Variants in ICAM1 observed in about 807,000 individuals in gnomAD.
The protein encoded by ICAM1 is ICAM-1.
In ICAM1, 28 loss-of-function variants were observed where a neutral mutation model predicts 42.3. The ratio of observed to expected loss-of-function variants is 0.66; its 90% confidence interval spans 0.49 to 0.91. The LOEUF (loss-of-function observed/expected upper bound fraction) is 0.91. Ranked by LOEUF, ICAM1 falls within the 40% of genes least tolerant of loss-of-function variation. The pLI is 0.00. For missense variants in ICAM1, 637 were observed against 688.6 expected (o/e 0.93, Z 0.84); for synonymous variants, 304 against 305.9 (o/e 0.99, Z 0.07).
intron 1 of ICAM1, among the ~76,000 whole-genome samples, chr19:10,272,158 G>C (rs959216768): frequency 6.6e-6 from 1 of 152,118 alleles, no homozygotes; most frequent in African/African-American, 2.4e-5. Flanking sequence ...GGTGGTGGGC[G>C]CCTGTGATCC....
rs547713798 is a variant in ICAM1, at chr19:10,275,079, C to T, written c.331+51C>T. On this transcript the variant is annotated intron_variant, in intron 2 of 6. Transcript: ENST00000264832. The stretch of plus-strand genomic sequence containing the variant: ...GACTAGGCAGACCCGGTGGGAGAGA[C>T]GTGCAGGGGCACCTGCAGAGGCCTG... 44 of 1,578,556 alleles carry T rather than the reference C, an allele frequency of 2.8e-5. No individual in the cohort carries two copies. The South Asian group carries it at 3.4e-4, about 12-fold the overall frequency.
chr19:10,279,181 C>T (rs1004683905), intron 2 of ICAM1, among the ~76,000 whole-genome samples: 2 of 152,018 alleles, frequency 1.3e-5, no homozygotes, highest in African/African-American at 4.8e-5. Flanking sequence ...GCATTCTGGG[C>T]AGGAGGAACA....
At chr19:10,272,959 C>T (rs982417759) in intron 1 of ICAM1, among the ~76,000 whole-genome samples, 1 of 152,030 alleles carries the variant, frequency 6.6e-6, no homozygotes, top group African/African-American at 2.4e-5. Flanking sequence ...AATTGAGGCC[C>T]AAAGAGGGGG....
intron 2 of ICAM1, among the ~76,000 whole-genome samples, chr19:10,275,504 A>G (rs2040009785): frequency 6.6e-6 from 1 of 152,096 alleles, no homozygotes; most frequent in Non-Finnish European, 1.5e-5. Context: ...TCAAGAAAAA[A>G]AAAATGCCAT....
chr19:10,276,260 T>C (rs1351516948), intron 2 of ICAM1, among the ~76,000 whole-genome samples: 1 of 150,718 alleles, frequency 6.6e-6, no homozygotes, highest in Non-Finnish European at 1.5e-5. Flanking sequence ...ACAAAAGAAT[T>C]GATGGCCGGG....
chr19:10,286,357 C>CGTGT lies in ICAM1; in HGVS notation c.*1083_*1086dup, dbSNP rs74178250. On this transcript the variant is annotated 3_prime_UTR_variant, in exon 7 of 7. Coordinates refer to ENST00000264832, the MANE Select transcript of ICAM1 (RefSeq NM_000201.3). ...CTCCCAGCTTTGGAAGCCTCATCCG[C>CGTGT]GTGTGTGTGTGTGTGTATGTGTAGA... 89 of 151,340 alleles carry CGTGT rather than the reference C, an allele frequency of 5.9e-4. No individual in the cohort carries two copies. Among genetic ancestry groups the CGTGT allele is most frequent in the Non-Finnish European group, 8.4e-4 (57 of 67,822 alleles). 9.4% of individuals were successfully genotyped at this position (151,340 alleles called of 1,614,324 possible). A position where few individuals can be genotyped will look rare whatever the true frequency, so the allele number is the denominator to read the frequency against.
chr19:10,279,603 CCT>C, intron 2 of ICAM1, among the ~76,000 whole-genome samples: 1 of 152,154 alleles, frequency 6.6e-6, no homozygotes, highest in East Asian at 1.9e-4. Context: ...GCTGCCTGAG[CCT>C]CCCGAGTTGC....
At position 10,284,577 on chromosome 19, in the gene ICAM1, G is replaced by A. The variant is rs146000551; in HGVS notation, c.1100G>A (p.Arg367His). 2.1e-5 allele frequency: 34 copies of A among 1,614,174 alleles called. No homozygotes were observed. In the African/African-American group the frequency reaches 2.7e-4, roughly 13 times the overall value. Residue 367 changes from arginine to histidine, a missense_variant, in exon 5 of 7, where the codon CGC becomes CAC. Arg to His is a conservative substitution (Grantham distance 29). Coordinates refer to ENST00000264832, the MANE Select transcript of ICAM1 (RefSeq NM_000201.3). This position sits in a 1 kb window ranked among gnomAD's most constrained non-coding sequence, Gnocchi z 5.4. Reference sequence around the variant, plus strand: ...AAGGCCACCCCAGAGGACAACGGGCGCAGCTTCTCCTGCTCTGCAACCCTG... The same window carrying A: ...AAGGCCACCCCAGAGGACAACGGGCACAGCTTCTCCTGCTCTGCAACCCTG... ...LLKATPEDNGRSFSCSATLEV... is the reference protein window; with the variant it reads ...LLKATPEDNGHSFSCSATLEV...
chr19:10,283,525 C>T lies in ICAM1; in HGVS notation c.376C>T (p.Pro126Ser). 1 of 1,596,088 alleles carries T rather than the reference C, an allele frequency of 6.3e-7. No individual in the cohort carries two copies. Among genetic ancestry groups the T allele is most frequent in the South Asian group, 1.1e-5 (1 of 89,426 alleles). The change falls in exon 3 of 7, where the codon CCA becomes TCA. Residue 126 changes from proline (P) to serine (S), a missense_variant. Physicochemically the swap from Pro to Ser is moderately conservative, Grantham distance 74 (BLOSUM62 -1). Coordinates refer to ENST00000264832, the MANE Select transcript of ICAM1 (RefSeq NM_000201.3). The stretch of plus-strand genomic sequence containing the variant: ...ACTGGCACCCCTCCCCTCTTGGCAG[C>T]CAGTGGGCAAGAACCTTACCCTACG... The part of the protein sequence containing the change: ...VELAPLPSWQ[P>S]VGKNLTLRCQ...
rs528388373 is a variant in ICAM1, at chr19:10,274,164, T to C, written c.68-601T>C. Among the ~76,000 whole-genome samples, 114 of 152,210 alleles carry C rather than the reference T, an allele frequency of 7.5e-4. 3 individuals carry two copies. In the South Asian group the frequency reaches 0.023, roughly 30 times the overall value. On this transcript the variant is annotated intron_variant, in intron 1 of 6. Transcript: ENST00000264832. Reference sequence around the variant, plus strand: ...TGTACTTGCCTGGAACTTATTTCCCTTTTCTCCGGACAGCCAGCCCTTTCT... The same window carrying C: ...TGTACTTGCCTGGAACTTATTTCCCCTTTCTCCGGACAGCCAGCCCTTTCT...
chr19:10,284,696 G>A lies in ICAM1; in HGVS notation c.1180+39G>A. Reference sequence around the variant, plus strand: ...CTGGTCAATGGCCCCTATCCCCCAAGGCCCAATCTCCCTGAAGGTCCCATA... The same window carrying A: ...CTGGTCAATGGCCCCTATCCCCCAAAGCCCAATCTCCCTGAAGGTCCCATA... On this transcript the variant is annotated intron_variant, in intron 5 of 6. Transcript: ENST00000264832. The surrounding 1 kb of genome is among the most constrained non-coding windows in gnomAD (Gnocchi z 5.4). The A allele has an allele frequency of 3.1e-6, 5 of 1,612,722 alleles. No individual in the cohort carries two copies. Among genetic ancestry groups the A allele is most frequent in the African/African-American group, 2.7e-5 (2 of 74,870 alleles).
Position 10,285,234 on chromosome 19 carries a change from C to T in ICAM1, c.1546C>T (p.Gln516Ter), listed in dbSNP as rs1225105373. 1.2e-6 allele frequency: 2 copies of T among 1,614,174 alleles called. No individual in the cohort carries two copies. The highest frequency in any genetic ancestry group is 1.7e-6 in the Non-Finnish European group (2 of 1,180,024). ...QRKIKKYRLQ[Q>*]AQKGTPMKPN... is the part of the protein sequence containing the mutation. ...GAAGATCAAGAAATACAGACTACAACAGGCCCAAAAAGGGACCCCCATGAA... is the reference window on the plus strand; with the variant it reads ...GAAGATCAAGAAATACAGACTACAATAGGCCCAAAAAGGGACCCCCATGAA... Residue 516 changes from glutamine to a stop codon, truncating the protein, a stop_gained, in exon 7 of 7, where the codon CAG becomes TAG. Transcript: ENST00000264832. LOFTEE classifies it low-confidence loss of function (END_TRUNC).
Position 10,286,547 on chromosome 19 carries a change from C to T in ICAM1, c.*1260C>T, listed in dbSNP as rs923366. On this transcript the variant is annotated 3_prime_UTR_variant, in exon 7 of 7. Transcript: ENST00000264832. ...GGCAAATTTGATTTTTTTTTTTTTT[C>T]CAGAGACGGGGTCTCGCAACATTGC... 54,493 of 153,606 alleles carry T rather than the reference C, an allele frequency of 0.35. 11,277 individuals are homozygous for T. The highest frequency in any genetic ancestry group is 0.51 in the South Asian group (2,448 of 4,782). The allele number at this position is 153,606 out of a possible 1,614,324, so 9.5% of individuals were successfully genotyped here. A position where few individuals can be genotyped will look rare whatever the true frequency, so the allele number is the denominator to read the frequency against.
intron 2 of ICAM1, among the ~76,000 whole-genome samples, chr19:10,281,200 T>C (rs183710319): frequency 1.3e-5 from 2 of 151,122 alleles, no homozygotes; most frequent in African/African-American, 4.9e-5. Context: ...AACTCCTGAC[T>C]TCCGGTGATC....
Position 10,275,589 on chromosome 19 carries a change from C to T in ICAM1, c.331+561C>T, listed in dbSNP as rs1427194425. Among the ~76,000 whole-genome samples the T allele has an allele frequency of 2.0e-5, 3 of 152,082 alleles. No individual in the cohort carries two copies. The East Asian group carries it at 5.8e-4, about 29-fold the overall frequency. ...CTTTAATAAAAGATGCAAATTAAGC[C>T]AAGTGTGGTGGCTTGTACCTATAAT... On this transcript the variant is annotated intron_variant, in intron 2 of 6. Transcript: ENST00000264832.
chr19:10,276,657 G>A (rs957051064), intron 2 of ICAM1, among the ~76,000 whole-genome samples: 4 of 151,346 alleles, frequency 2.6e-5, no homozygotes, highest in Admixed American at 1.3e-4. Context: ...ACCCTGTGGC[G>A]GGAAATTGGG....
chr19:10,273,087 A>G (rs1441300260), intron 1 of ICAM1, among the ~76,000 whole-genome samples: 2 of 152,126 alleles, frequency 1.3e-5, no homozygotes, highest in Admixed American at 6.6e-5. Flanking sequence ...GGTTGGACAC[A>G]GTGGCTCACA....
Position 10,283,695 on chromosome 19 carries a change from C to A in ICAM1, c.546C>A (p.Ala182=), listed in dbSNP as rs1252713833. Residue 182 remains alanine, a synonymous_variant, in exon 3 of 7, where the codon GCC becomes GCA. Coordinates refer to ENST00000264832, the MANE Select transcript of ICAM1 (RefSeq NM_000201.3). The part of the protein sequence containing the change: ...TVLVRRDHHG[A]NFSCRTELDL... Reference sequence around the variant, plus strand: ...TGGTGAGGAGAGATCACCATGGAGCCAATTTCTCGTGCCGCACTGAACTGG... The same window carrying A: ...TGGTGAGGAGAGATCACCATGGAGCAAATTTCTCGTGCCGCACTGAACTGG... 2 of 1,613,838 alleles carry A rather than the reference C, an allele frequency of 1.2e-6. No individual in the cohort carries two copies. Among genetic ancestry groups the A allele is most frequent in the African/African-American group, 2.7e-5 (2 of 74,932 alleles).
chr19:10,273,833 G>T (rs2145488503), intron 1 of ICAM1, among the ~76,000 whole-genome samples: 1 of 152,126 alleles, frequency 6.6e-6, no homozygotes, highest in South Asian at 2.1e-4. Flanking sequence ...GGCCGACGTG[G>T]CGAAACCCCG....
Sources: gnomAD v4.1 joint callset for allele counts (sites outside exome capture counted in the v4.1 genomes callset) on GRCh38, gnomAD v4.1.1 for gene constraint, Gnocchi (gnomAD v3.1) non-coding constraint, MANE v1.5 for transcripts, NCBI Gene and HGNC (gene_info 2026-07-23, HGNC 2026-07-21) for gene names.